The following ZBTB1 variants were observed in gnomAD, a reference collection of about 807,000 sequenced individuals.
ZBTB1 encodes zinc finger and BTB domain containing 1, also known as zinc finger and BTB domain-containing protein 1.
ZBTB1 carries 13 observed loss-of-function variants against 51.6 expected under a neutral mutation model. The observed-to-expected ratio is 0.25, with a 90% confidence interval of 0.16 to 0.40. The LOEUF is 0.40. Among genes scored for constraint, ZBTB1 ranks in the 10% least tolerant of loss-of-function variants. The pLI, the probability that ZBTB1 is intolerant of heterozygous loss-of-function variation, is 1.00. For synonymous variants in ZBTB1, 240 were observed against 282.2 expected (o/e 0.85, Z 1.50); for missense variants, 567 against 856.5 (o/e 0.66, Z 4.22).
intron 1 of ZBTB1, among the ~76,000 whole-genome samples, chr14:64,517,959 G>A (rs532639408): frequency 2.7e-5 from 4 of 150,930 alleles, no homozygotes; most frequent in Middle Eastern, 3.4e-3. Flanking sequence ...TCAGCCTCCC[G>A]AGTAGCTGGG....
downstream of ZBTB1, among the ~76,000 whole-genome samples, chr14:64,526,540 T>C (rs61985711): frequency 0.17 from 26,341 of 152,160 alleles, 2,610 homozygotes; most frequent in Non-Finnish European, 0.22. Flanking sequence ...TGAGACTCTT[T>C]TGCTTTGGCC....
At chr14:64,532,267 A>G (rs2079947690) in exon 3 of ZBTB1, 1 of 162,608 alleles carries the variant, frequency 6.1e-6, no homozygotes, top group South Asian at 1.9e-4. Flanking sequence ...GCAAATATAA[A>G]GAGACATAAT....
At chr14:64,508,423 C>T (rs2079689383) in intron 1 of ZBTB1, among the ~76,000 whole-genome samples, 1 of 152,106 alleles carries the variant, frequency 6.6e-6, no homozygotes, top group Admixed American at 6.6e-5. Flanking sequence ...GACATTCTTC[C>T]TGCAAGATGG....
intron 1 of ZBTB1, 109 bp downstream of exon 1, chr14:64,505,055 G>C (rs2079622481): frequency 5.4e-6 from 2 of 373,082 alleles, no homozygotes; most frequent in South Asian, 1.3e-4. Context: ...CGATCCGTGC[G>C]GGGAGCCGGA....
Position 64,531,351 on chromosome 14 carries a change from T to G in ZBTB1, c.1899-510T>G, listed in dbSNP as rs74056454. ...ATTAGGAGGCTTATAAGCCTAGGAA[T>G]TTGCAGGAAAACCCCTCCTCTTCTT... On this transcript the variant is annotated intron_variant, in intron 2 of 2. Coordinates refer to the ZBTB1 transcript ENST00000358738. Among the ~76,000 whole-genome samples the G allele has an allele frequency of 4.9e-3, 741 of 152,246 alleles. 5 individuals carry two copies. Among genetic ancestry groups the G allele is most frequent in the African/African-American group, 0.017 (713 of 41,550 alleles).
intron 1 of ZBTB1, among the ~76,000 whole-genome samples, chr14:64,519,430 G>T (rs1291106280): frequency 3.4e-5 from 5 of 148,380 alleles, no homozygotes; most frequent in African/African-American, 1.2e-4. Flanking sequence ...GAGCCACCGC[G>T]CTCAGCCTTA....
chr14:64,531,939 CAACAGATAATCTTT>C (rs1445432953), exon 3 of ZBTB1: 2 of 1,608,986 alleles, frequency 1.2e-6, no homozygotes, highest in African/African-American at 2.7e-5. Context: ...AATCAATCTT[CAACAGATAATCTTT>C]AAGTACAGAC....
At chr14:64,527,001 A>G (rs1489211592), downstream of ZBTB1, among the ~76,000 whole-genome samples, 1 of 152,100 alleles carries the variant, frequency 6.6e-6, no homozygotes, top group Non-Finnish European at 1.5e-5. Flanking sequence ...AGCTATGATC[A>G]TGCCATTACA....
rs1386784096 is a variant in ZBTB1 at position 64,524,775 on chromosome 14, CTA to C, written c.*1132_*1133del. ...TATTATCATTTTTTTCTGTAAAAGA[CTA>C]TAAAACTTGAGGATTATAAAATAAT... On this transcript the variant is annotated 3_prime_UTR_variant, in exon 2 of 2. Coordinates refer to ENST00000683701, the MANE Select transcript of ZBTB1 (RefSeq NM_001123329.2). 6 of 981,086 alleles carry C rather than the reference CTA, an allele frequency of 6.1e-6. No homozygotes were observed. The highest frequency in any genetic ancestry group is 1.8e-5 in the African/African-American group (1 of 57,088). The allele number at this position is 981,086 out of a possible 1,614,324, so 60.8% of individuals were successfully genotyped here. A position where few individuals can be genotyped will look rare whatever the true frequency, so the allele number is the denominator to read the frequency against.
At chr14:64,515,855 T>G (rs1376773942) in intron 1 of ZBTB1, among the ~76,000 whole-genome samples, 2 of 152,190 alleles carry the variant, frequency 1.3e-5, no homozygotes, top group Non-Finnish European at 2.9e-5. Flanking sequence ...CTTCAAGAGA[T>G]AAGCTAAAAG....
At chr14:64,528,350 T>TTC (rs2079919624), downstream of ZBTB1, among the ~76,000 whole-genome samples, 1 of 103,454 alleles carries the variant, frequency 9.7e-6, no homozygotes, top group Non-Finnish European at 2.5e-5. Flanking sequence ...TTTTCTTTTT[T>TTC]TTTTTTTTTT....
Position 64,522,519 on chromosome 14 carries a change from C to T in ZBTB1, c.1015C>T (p.Leu339=). Reference sequence around the variant, plus strand: ...GCCAGAAGATATTCCTACAGATGAACTGAAAGACTTTAACATTATTAAAGT... The same window carrying T: ...GCCAGAAGATATTCCTACAGATGAATTGAAAGACTTTAACATTATTAAAGT... The part of the protein sequence containing the change: ...MEPEDIPTDE[L]KDFNIIKVTD... Residue 339 remains leucine, a synonymous_variant, in exon 2 of 2, where the codon CTG becomes TTG. Transcript: ENST00000683701. 6.2e-7 allele frequency: 1 copy of T among 1,614,026 alleles called. No homozygotes were observed. Among genetic ancestry groups the T allele is most frequent in the African/African-American group, 1.3e-5 (1 of 75,006 alleles).
intron 1 of ZBTB1, chr14:64,511,164 G>A (rs968653084): frequency 1.3e-5 from 2 of 152,188 alleles, no homozygotes; most frequent in Admixed American, 6.5e-5. Flanking sequence ...CCTACAAAAC[G>A]AACCCTAAGA....
chr14:64,507,616 G>T (rs1378750440), intron 1 of ZBTB1, among the ~76,000 whole-genome samples: 1 of 152,206 alleles, frequency 6.6e-6, no homozygotes, highest in African/African-American at 2.4e-5. Flanking sequence ...ACTCAGGTTG[G>T]TAAGAATTGC....
chr14:64,518,762 C>G (rs2079824008), intron 1 of ZBTB1, among the ~76,000 whole-genome samples: 2 of 151,848 alleles, frequency 1.3e-5, no homozygotes, highest in South Asian at 4.2e-4. Flanking sequence ...CTTATTTTAA[C>G]TTTATAATAT....
At position 64,522,245 on chromosome 14, in the gene ZBTB1, A is replaced by G. The variant is rs1003376307; in HGVS notation, c.741A>G (p.Thr247=). The change falls in exon 2 of 2, where the codon ACA becomes ACG. Residue 247 remains threonine, a synonymous_variant. Transcript: ENST00000683701. ...TCTNRHLYQN[T]RSYHRIVDIR... is the part of the protein sequence containing the mutation. Reference sequence around the variant, plus strand: ...CTAACAGACATTTATACCAAAACACAAGATCTTACCATAGAATAGTAGATA... The same window carrying G: ...CTAACAGACATTTATACCAAAACACGAGATCTTACCATAGAATAGTAGATA... 6.8e-6 allele frequency: 11 copies of G among 1,614,254 alleles called. No homozygotes were observed. Among genetic ancestry groups the G allele is most frequent in the Admixed American group, 1.7e-5 (1 of 60,032 alleles).
Position 64,521,613 on chromosome 14 carries a change from G to A in ZBTB1, c.109G>A (p.Ala37Thr). The A allele has an allele frequency of 6.2e-7, 1 of 1,614,170 alleles. No individual in the cohort carries two copies. The highest frequency in any genetic ancestry group is 1.3e-5 in the African/African-American group (1 of 75,034). Residue 37 changes from alanine (A) to threonine (T), a missense_variant, in exon 2 of 2, where the codon GCA becomes ACA. Ala to Thr is a moderately conservative substitution (Grantham distance 58). Coordinates refer to ENST00000683701, the MANE Select transcript of ZBTB1 (RefSeq NM_001123329.2). The stretch of plus-strand genomic sequence containing the variant: ...TGCAATTGATGACATTTACTTTCAA[G>A]CACACAAGGCAGTTCTAGCTGCCTG... Reference protein sequence around the residue: ...CIAIDDIYFQAHKAVLAACSS... With the variant: ...CIAIDDIYFQTHKAVLAACSS...
chr14:64,529,107 G>T (rs2079925063), downstream of ZBTB1, among the ~76,000 whole-genome samples: 1 of 152,120 alleles, frequency 6.6e-6, no homozygotes. Context: ...TTATTTAAAT[G>T]GTTGATTCAG....
At chr14:64,526,400 C>G (rs1348005911), downstream of ZBTB1, among the ~76,000 whole-genome samples, 1 of 152,122 alleles carries the variant, frequency 6.6e-6, no homozygotes, top group Non-Finnish European at 1.5e-5. Context: ...GGTAATGAAA[C>G]AAGTGTGTTG....
Sources: gnomAD v4.1 joint callset for allele counts (sites outside exome capture counted in the v4.1 genomes callset) on GRCh38, gnomAD v4.1.1 for gene constraint, MANE v1.5 for transcripts, NCBI Gene and HGNC (gene_info 2026-07-23, HGNC 2026-07-21) for gene names.